Variants in RMI1 observed in about 807,000 individuals in gnomAD.
RMI1 encodes recQ-mediated genome instability protein 1.
RMI1 carries 36 observed loss-of-function variants against 46.7 expected under a neutral mutation model. The observed-to-expected ratio is 0.77, with a 90% CI of 0.59 to 1.02. The LOEUF is 1.02. RMI1 is among the 50% of genes least tolerant of loss of function. RMI1 has a pLI of 0.00. For synonymous variants in RMI1, 250 were observed against 252.9 expected, an observed-to-expected ratio of 0.99 and a Z score of 0.11; for missense variants, 676 against 713.7, an observed-to-expected ratio of 0.95 and a Z score of 0.60.
intron 1 of RMI1, among the ~76,000 whole-genome samples, chr9:83,995,514 G>A (rs1957638008): frequency 6.7e-6 from 1 of 149,726 alleles, no homozygotes; most frequent in Non-Finnish European, 1.5e-5. Flanking sequence ...TGCAACCTCC[G>A]CCTCCCGGGT....
At chr9:83,988,975 A>G (rs1957530149) in intron 1 of RMI1, among the ~76,000 whole-genome samples, 1 of 147,804 alleles carries the variant, frequency 6.8e-6, no homozygotes, top group Admixed American at 6.8e-5. Flanking sequence ...TCCCATCTCA[A>G]CCTCCTGAGT....
rs1957770660 is a variant in RMI1, at chr9:84,003,634, T to A, written c.*770T>A. On this transcript the variant is annotated 3_prime_UTR_variant, in exon 3 of 3. Transcript: ENST00000445877. ...TAGATCAGAACATCAGGCTTTCAGATACAAATTGATTTACTGGTTTTTATT... is the reference window on the plus strand; with the variant it reads ...TAGATCAGAACATCAGGCTTTCAGAAACAAATTGATTTACTGGTTTTTATT... 6.0e-6 allele frequency: 1 copy of A among 166,398 alleles called. No individual in the cohort carries two copies. The highest frequency in any genetic ancestry group is 1.5e-5 in the Non-Finnish European group (1 of 68,110). 10.3% of individuals were successfully genotyped at this position (166,398 alleles called of 1,614,324 possible). A position where few individuals can be genotyped will look rare whatever the true frequency, so the allele number is the denominator to read the frequency against.
chr9:83,985,957 C>T (rs935127013), intron 1 of RMI1, among the ~76,000 whole-genome samples: 1 of 151,740 alleles, frequency 6.6e-6, no homozygotes, highest in Admixed American at 6.6e-5. Flanking sequence ...TGCAGTGAGG[C>T]GAGATTGCAC....
chr9:83,995,077 A>G (rs2133119483), intron 1 of RMI1, among the ~76,000 whole-genome samples: 1 of 152,160 alleles, frequency 6.6e-6, no homozygotes, highest in African/African-American at 2.4e-5. Context: ...TCGGCTCACC[A>G]CAACCTCCGC....
Position 84,000,092 on chromosome 9 carries a change from AGACACAGTG to A in RMI1, c.-37+297_-37+305del, listed in dbSNP as rs1309309873. 3.3e-5 allele frequency among the ~76,000 whole-genome samples: 5 copies of A among 152,348 alleles called. No individual in the cohort carries two copies. The East Asian group carries it at 9.6e-4, about 29-fold the overall frequency. ...CCACATATTCAAGTACTAAATGGAC[AGACACAGTG>A]GTATGTTTTAATAGAGTTAAATTAG... is the stretch of plus-strand genomic sequence containing the variant. On this transcript the variant is annotated intron_variant, in intron 2 of 2. Coordinates refer to ENST00000445877, the MANE Select transcript of RMI1 (RefSeq NM_001358291.2).
At chr9:84,000,769 T>A (rs1267249763) in intron 2 of RMI1, among the ~76,000 whole-genome samples, 182 bp from the exon 3 acceptor site, 1 of 152,200 alleles carries the variant, frequency 6.6e-6, no homozygotes, top group Admixed American at 6.5e-5. Flanking sequence ...GGTATAGCTG[T>A]CTCAAACCTT....
At chr9:83,989,902 T>C (rs759916696) in intron 1 of RMI1, among the ~76,000 whole-genome samples, 4 of 152,174 alleles carry the variant, frequency 2.6e-5, no homozygotes, top group Admixed American at 6.5e-5. Context: ...CCAGCGTTTA[T>C]TACAGTACTA....
chr9:83,989,273 CTGG>C (rs1164647678), intron 1 of RMI1, among the ~76,000 whole-genome samples: 5 of 152,126 alleles, frequency 3.3e-5, no homozygotes, highest in African/African-American at 1.2e-4. Context: ...GGACATTGTT[CTGG>C]GCAAAGATTT....
Position 84,002,971 on chromosome 9 carries a change from C to T in RMI1, c.*107C>T. On this transcript the variant is annotated 3_prime_UTR_variant, in exon 3 of 3. Transcript: ENST00000445877. ...TGTGTAAAAAGGAAAAATGAAATTTCATAGCTTATTTCAGTTTAATTTTAA... is the reference window on the plus strand; with the variant it reads ...TGTGTAAAAAGGAAAAATGAAATTTTATAGCTTATTTCAGTTTAATTTTAA... 3.1e-6 allele frequency: 2 copies of T among 642,864 alleles called. No homozygotes were observed. The highest frequency in any genetic ancestry group is 5.1e-6 in the Non-Finnish European group (2 of 391,450). The allele number at this position is 642,864 out of a possible 1,614,324, so 39.8% of individuals were successfully genotyped here.
chr9:83,980,902 G>C lies in RMI1; in HGVS notation c.-126+11G>C, dbSNP rs1957367089. The C allele has an allele frequency of 6.6e-6, 1 of 152,342 alleles. No individual in the cohort carries two copies. The highest frequency in any genetic ancestry group is 2.1e-4 in the South Asian group (1 of 4,834). The allele number at this position is 152,342 out of a possible 1,614,324, so 9.4% of individuals were successfully genotyped here. On this transcript the variant is annotated intron_variant, in intron 1 of 2. Coordinates refer to ENST00000445877, the MANE Select transcript of RMI1 (RefSeq NM_001358291.2). ...ATGCGGGACGCCCAGGTCGGTGCTC[G>C]GCCCAGACTTATGCCCGTGTTTTCA...
chr9:83,988,491 A>G (rs1957524354), intron 1 of RMI1, among the ~76,000 whole-genome samples: 1 of 152,046 alleles, frequency 6.6e-6, no homozygotes, highest in Non-Finnish European at 1.5e-5. Context: ...TTTGGTAGAG[A>G]CAGAGTTTTG....
chr9:83,999,062 A>G (rs1957700259), intron 1 of RMI1, among the ~76,000 whole-genome samples: 1 of 152,026 alleles, frequency 6.6e-6, no homozygotes, highest in South Asian at 2.1e-4. Flanking sequence ...AATCGATTGA[A>G]CCTGGGAGGC....
chr9:83,984,335 T>C (rs532850373), intron 1 of RMI1, among the ~76,000 whole-genome samples: 1 of 150,920 alleles, frequency 6.6e-6, no homozygotes, highest in East Asian at 2.0e-4. Context: ...AGTGGCGCAA[T>C]CTCGGCTCAC....
rs1957767942 is a variant in RMI1 at position 84,003,379 on chromosome 9, G to A, written c.*515G>A. On this transcript the variant is annotated 3_prime_UTR_variant, in exon 3 of 3. Coordinates refer to ENST00000445877, the MANE Select transcript of RMI1 (RefSeq NM_001358291.2). ...GTGACCCACTATTGTTGAGAAATTT[G>A]TTTTCCACTTGTCACGTCACATAAG... 2 of 166,932 alleles carry A rather than the reference G, an allele frequency of 1.2e-5. No homozygotes were observed. Among genetic ancestry groups the A allele is most frequent in the South Asian group, 4.2e-4 (2 of 4,818 alleles). 10.3% of individuals were successfully genotyped at this position (166,932 alleles called of 1,614,324 possible).
At chr9:83,997,939 G>T (rs1296374915) in intron 1 of RMI1, among the ~76,000 whole-genome samples, 1 of 151,836 alleles carries the variant, frequency 6.6e-6, no homozygotes, top group Non-Finnish European at 1.5e-5. Context: ...GGGACTACGG[G>T]CATGCACCAC....
At chr9:83,989,172 C>T (rs10868077) in intron 1 of RMI1, among the ~76,000 whole-genome samples, 66,138 of 151,996 alleles carry the variant, frequency 0.44, 15,242 homozygotes, top group East Asian at 0.6. Flanking sequence ...AGTATCCTTT[C>T]AAATCTCTTT....
At chr9:83,983,077 G>A (rs1393775193) in intron 1 of RMI1, among the ~76,000 whole-genome samples, 2 of 152,152 alleles carry the variant, frequency 1.3e-5, no homozygotes, top group African/African-American at 4.8e-5. Flanking sequence ...TAATATAATT[G>A]AGAATGTACA....
chr9:83,997,838 C>G (rs1014628217), intron 1 of RMI1, among the ~76,000 whole-genome samples: 3 of 151,390 alleles, frequency 2.0e-5, no homozygotes, highest in Admixed American at 6.6e-5. Flanking sequence ...TGCTCTGTCG[C>G]CCAGGTGGAG....
At position 84,002,341 on chromosome 9, in the gene RMI1, A is replaced by G. The variant is rs1957751286; in HGVS notation, c.1355A>G (p.Gln452Arg). Residue 452 changes from glutamine to arginine, a missense_variant, in exon 3 of 3, where the codon CAG becomes CGG. Coordinates refer to ENST00000445877, the MANE Select transcript of RMI1 (RefSeq NM_001358291.2). ...AATAGAGAGGTGGTCAACTATGTAC[A>G]GAAAAGGAATTCACAAATTTCTAAT... ...ILNREVVNYV[Q>R]KRNSQISNEN... is the part of the protein sequence containing the mutation. The G allele has an allele frequency of 6.2e-7, 1 of 1,604,158 alleles. No homozygotes were observed. The highest frequency in any genetic ancestry group is 1.3e-5 in the African/African-American group (1 of 74,546).
Sources: allele counts gnomAD v4.1 joint callset (sites outside exome capture counted in the v4.1 genomes callset), GRCh38; gene constraint gnomAD v4.1.1; transcripts MANE v1.5; gene names NCBI Gene and HGNC (gene_info 2026-07-23, HGNC 2026-07-21).